KATNAL1: variants seen among roughly 807,000 people sequenced by gnomAD.
KATNAL1 encodes the protein katanin catalytic subunit A1 like 1.
Under a neutral mutation model 55.2 loss-of-function variants are expected in KATNAL1, and 32 were observed. The observed-to-expected ratio is 0.58, with a 90% CI of 0.44 to 0.78. KATNAL1 has a LOEUF of 0.78. Ranked by LOEUF, KATNAL1 falls within the 30% of genes least tolerant of loss-of-function variation. The pLI is 0.00. For missense variants in KATNAL1, 466 were observed against 600.9 expected (o/e 0.78, Z 2.35); for synonymous variants, 193 against 193.6 (o/e 1.00, Z 0.02).
At chr13:30,307,174 C>G (rs1042689085) in intron 1 of KATNAL1, 157 bp downstream of exon 1, 3 of 152,390 alleles carry the variant, frequency 2.0e-5, no homozygotes, top group African/African-American at 7.2e-5. Flanking sequence ...CTGGCGCTCC[C>G]GCGCCCCTCC....
intron 8 of KATNAL1, among the ~76,000 whole-genome samples, chr13:30,229,262 C>A (rs1340553956): frequency 6.6e-6 from 1 of 151,956 alleles, no homozygotes; most frequent in Non-Finnish European, 1.5e-5. Context: ...TTCCATGACT[C>A]CCCTGGTCTT....
At chr13:30,263,331 ACCACTC>A (rs1198931241) in intron 3 of KATNAL1, among the ~76,000 whole-genome samples, 11 of 151,996 alleles carry the variant, frequency 7.2e-5, no homozygotes, top group African/African-American at 2.7e-4. Context: ...GCCCTCTCTC[ACCACTC>A]CTATTCAACA....
chr13:30,214,219 C>T (rs561605303), intron 9 of KATNAL1, among the ~76,000 whole-genome samples: 38 of 152,236 alleles, frequency 2.5e-4, no homozygotes, highest in African/African-American at 7.9e-4. Context: ...TTACAAGGGA[C>T]ATGAAGGACC....
At position 30,214,122 on chromosome 13, in the gene KATNAL1, C is replaced by T. The variant is rs1338983558; in HGVS notation, c.1148-3680G>A. Among the ~76,000 whole-genome samples the T allele has an allele frequency of 9.9e-5, 15 of 152,252 alleles. No individual in the cohort carries two copies. In the East Asian group the frequency reaches 1.3e-3, roughly 14 times the overall value. ...TACAAAAATCACAAGCATTCTTATACACCAATAACAGACAAACAGAGCCAA... is the reference window on the plus strand; with the variant it reads ...TACAAAAATCACAAGCATTCTTATATACCAATAACAGACAAACAGAGCCAA... On this transcript the variant is annotated intron_variant, in intron 9 of 10. Coordinates refer to ENST00000380615, the MANE Select transcript of KATNAL1 (RefSeq NM_032116.5).
At chr13:30,260,742 G>T (rs1593904885) in intron 3 of KATNAL1, among the ~76,000 whole-genome samples, 1 of 148,928 alleles carries the variant, frequency 6.7e-6, no homozygotes, top group African/African-American at 2.4e-5. Context: ...ATCTACATCT[G>T]ATTTGTGTAC....
At chr13:30,227,027 G>T (rs1445209009) in intron 9 of KATNAL1, among the ~76,000 whole-genome samples, 2 of 152,144 alleles carry the variant, frequency 1.3e-5, no homozygotes, top group East Asian at 3.9e-4. Flanking sequence ...AGTGACCTGA[G>T]ATCATGCCTC....
chr13:30,209,305 T>C (rs2137333996), intron 10 of KATNAL1, among the ~76,000 whole-genome samples: 1 of 152,330 alleles, frequency 6.6e-6, no homozygotes, highest in South Asian at 2.1e-4. Context: ...TATGAAGGTC[T>C]GGAAGAAAAG....
intron 10 of KATNAL1, among the ~76,000 whole-genome samples, chr13:30,209,957 A>AT (rs1408795820): frequency 6.6e-6 from 1 of 151,788 alleles, no homozygotes; most frequent in Non-Finnish European, 1.5e-5. Flanking sequence ...AATTTTTTGT[A>AT]TTTTTTAGTA....
At chr13:30,223,180 C>T (rs990095233) in intron 9 of KATNAL1, among the ~76,000 whole-genome samples, 1 of 152,016 alleles carries the variant, frequency 6.6e-6, no homozygotes, top group African/African-American at 2.4e-5. Flanking sequence ...CTGTACACAC[C>T]TGTAATCCCA....
intron 3 of KATNAL1, among the ~76,000 whole-genome samples, chr13:30,267,897 A>G (rs935180356): frequency 6.6e-6 from 1 of 152,342 alleles, no homozygotes; most frequent in African/African-American, 2.4e-5. Context: ...ACAGGGTCGT[A>G]GCCCCACACA....
chr13:30,231,268 T>C lies in KATNAL1; in HGVS notation c.885+46A>G, dbSNP rs141590917. On this transcript the variant is annotated intron_variant, in intron 7 of 10. Transcript: ENST00000380615. ...ACAGAACTGATTTATGGGGGCATCA[T>C]AGGCCTACACACACTACTTTGAAAT... The C allele has an allele frequency of 1.9e-4, 285 of 1,482,672 alleles. 1 individual carries two copies. In the African/African-American group the frequency reaches 3.4e-3, roughly 18 times the overall value. 91.8% of individuals were successfully genotyped at this position (1,482,672 alleles called of 1,614,324 possible).
chr13:30,219,995 T>G (rs77151916), intron 9 of KATNAL1, among the ~76,000 whole-genome samples: 6,727 of 152,266 alleles, frequency 0.044, 204 homozygotes, highest in African/African-American at 0.082. Context: ...CCCTTTATTA[T>G]AGTGAAGAAT....
intron 9 of KATNAL1, among the ~76,000 whole-genome samples, chr13:30,218,501 A>G (rs914173848): frequency 3.9e-5 from 6 of 152,136 alleles, no homozygotes; most frequent in South Asian, 2.1e-4. Context: ...GACAGCAGTA[A>G]CAGTTCTCTC....
At chr13:30,259,776 GGCA>G (rs1164262570) in intron 3 of KATNAL1, among the ~76,000 whole-genome samples, 2 of 152,348 alleles carry the variant, frequency 1.3e-5, no homozygotes, top group African/African-American at 4.8e-5. Context: ...CAAACTGCAA[GGCA>G]GCAGCAAGGC....
chr13:30,226,485 A>T (rs1593848731), intron 9 of KATNAL1, among the ~76,000 whole-genome samples: 1 of 152,228 alleles, frequency 6.6e-6, no homozygotes, highest in Admixed American at 6.5e-5. Flanking sequence ...AGACACAGTG[A>T]GTACATGCAG....
chr13:30,296,274 A>G, intron 1 of KATNAL1: 1 of 1,198,578 alleles, frequency 8.3e-7, no homozygotes. Flanking sequence ...CTCTTTTTCT[A>G]CCCTCTGGAC....
chr13:30,216,033 C>A (rs1370509484), intron 9 of KATNAL1, among the ~76,000 whole-genome samples: 1 of 152,092 alleles, frequency 6.6e-6, no homozygotes, highest in Non-Finnish European at 1.5e-5. Flanking sequence ...GAATACCACA[C>A]AGTAACAAAA....
chr13:30,288,528 G>A (rs547953932), intron 1 of KATNAL1, among the ~76,000 whole-genome samples: 3 of 152,300 alleles, frequency 2.0e-5, no homozygotes, highest in South Asian at 4.1e-4. Context: ...TATTACTTGT[G>A]ATTCAAAGAA....
chr13:30,296,752 T>C, intron 1 of KATNAL1: 1 of 499,862 alleles, frequency 2.0e-6, no homozygotes, highest in Non-Finnish European at 4.0e-6. Context: ...CAATGGATAG[T>C]GAGCTTGTGC....
Sources: allele counts gnomAD v4.1 joint callset (sites outside exome capture counted in the v4.1 genomes callset), GRCh38; gene constraint gnomAD v4.1.1; transcripts MANE v1.5; gene names NCBI Gene and HGNC (gene_info 2026-07-23, HGNC 2026-07-21).